The following ZSWIM9 variants were observed in gnomAD, a reference collection of about 807,000 sequenced individuals.
The protein encoded by ZSWIM9 is zinc finger SWIM-type containing 9.
Under a neutral mutation model 25.0 loss-of-function variants are expected in ZSWIM9, and 11 were observed. The ratio of observed to expected loss-of-function variants is 0.44; its 90% CI spans 0.28 to 0.73. ZSWIM9 has a LOEUF of 0.73. ZSWIM9 is among the 30% of genes least tolerant of loss of function. ZSWIM9 has a pLI of 0.16. For missense variants in ZSWIM9, 1,070 were observed against 1,296.5 expected, an observed-to-expected ratio of 0.83 and a Z score of 2.68; for synonymous variants, 562 against 582.1, an observed-to-expected ratio of 0.97 and a Z score of 0.50.
chr19:48,176,200 T>C (rs1160373253), intron 2 of ZSWIM9, among the ~76,000 whole-genome samples: 1 of 151,946 alleles, frequency 6.6e-6, no homozygotes, highest in Non-Finnish European at 1.5e-5. Flanking sequence ...AGCGAGACTC[T>C]ATCTCAAAAA....
intron 2 of ZSWIM9, among the ~76,000 whole-genome samples, chr19:48,173,166 G>C (rs575248994): frequency 6.6e-6 from 1 of 152,336 alleles, no homozygotes; most frequent in African/African-American, 2.4e-5. Context: ...TGGACAGAAA[G>C]ATTGACGTTA....
rs112833303 is a variant in ZSWIM9 at position 48,193,494 on chromosome 19, G to A, written c.589-1159G>A. Among the ~76,000 whole-genome samples the A allele has an allele frequency of 3.6e-3, 549 of 152,354 alleles. 5 individuals are homozygous for A. The highest frequency in any genetic ancestry group is 0.012 in the African/African-American group (501 of 41,582). On this transcript the variant is annotated intron_variant, in intron 3 of 3. Transcript: ENST00000614654. ...AAGGGAAGAGCCACATAGGGCAGAG[G>A]CCAGGAGAGACCATCCCGAAGGGGA...
chr19:48,183,719 C>T (rs954674703), intron 3 of ZSWIM9, among the ~76,000 whole-genome samples: 1 of 151,292 alleles, frequency 6.6e-6, no homozygotes, highest in African/African-American at 2.4e-5. Context: ...TCACTGCACC[C>T]TCGATGTCCC....
chr19:48,196,684 G>A lies in ZSWIM9; in HGVS notation c.2620G>A (p.Ala874Thr), dbSNP rs897121434. ...DGTSDFFLDG[A>T]LTRCSCSIHA... ...CACCTCGGACTTCTTCCTGGATGGG[G>A]CCCTGACACGCTGCAGCTGCTCAAT... The change falls in exon 4 of 4, where the codon GCC becomes ACC. Residue 874 changes from alanine (A) to threonine (T), a missense_variant. Around this residue, in one of 4 missense-constraint regions of ZSWIM9, gnomAD observed 583 missense variants for 624.7 expected, o/e 0.93. Transcript: ENST00000614654. 2.4e-6 allele frequency: 3 copies of A among 1,233,018 alleles called. No individual in the cohort carries two copies. The highest frequency in any genetic ancestry group is 3.0e-6 in the Non-Finnish European group (3 of 988,642). The allele number at this position is 1,233,018 out of a possible 1,614,324, so 76.4% of individuals were successfully genotyped here.
chr19:48,185,931 A>G (rs1339608007), intron 3 of ZSWIM9, among the ~76,000 whole-genome samples: 2 of 152,236 alleles, frequency 1.3e-5, no homozygotes, highest in Non-Finnish European at 2.9e-5. Context: ...GGTTGCAGTG[A>G]GCTGAGATTA....
At chr19:48,183,678 C>G (rs1259281226) in intron 3 of ZSWIM9, among the ~76,000 whole-genome samples, 1 of 150,460 alleles carries the variant, frequency 6.6e-6, no homozygotes, top group Non-Finnish European at 1.5e-5. Context: ...CTCACTGTCA[C>G]CCAGGCTGAG....
rs145144590 is a variant in ZSWIM9, at chr19:48,181,964, G to A, written c.276-491G>A. 552 of 154,120 alleles carry A rather than the reference G, an allele frequency of 3.6e-3. 5 individuals carry two copies. The highest frequency in any genetic ancestry group is 0.01 in the Middle Eastern group (3 of 296). The allele number at this position is 154,120 out of a possible 1,614,324, so 9.5% of individuals were successfully genotyped here. ...TAGTGGCTGCCTCTGGGGACAGAGG[G>A]AAGGAAGATAATCTGTTAGGGCAGC... On this transcript the variant is annotated intron_variant, in intron 2 of 3. Coordinates refer to ENST00000614654, the MANE Select transcript of ZSWIM9 (RefSeq NM_199341.4).
At chr19:48,171,665 G>A (rs2036813511) in intron 1 of ZSWIM9, 129 bp from the exon 2 acceptor site, 6 of 906,678 alleles carry the variant, frequency 6.6e-6, no homozygotes, top group South Asian at 1.8e-5. Context: ...AAACAGGCAC[G>A]TCCGACCCCG....
chr19:48,189,766 T>C (rs1159143800), intron 3 of ZSWIM9, among the ~76,000 whole-genome samples: 1 of 152,152 alleles, frequency 6.6e-6, no homozygotes, highest in African/African-American at 2.4e-5. Context: ...CCAAGAACTG[T>C]GGATGAGGGT....
At chr19:48,183,379 G>A (rs559140114) in intron 3 of ZSWIM9, among the ~76,000 whole-genome samples, 25 of 152,004 alleles carry the variant, frequency 1.6e-4, no homozygotes, top group Middle Eastern at 6.8e-3. Flanking sequence ...CGCCCGCCTC[G>A]GCCTCCCAAA....
chr19:48,191,017 A>G (rs2037086750), intron 3 of ZSWIM9, among the ~76,000 whole-genome samples: 1 of 151,846 alleles, frequency 6.6e-6, no homozygotes, highest in Admixed American at 6.6e-5. Context: ...TAGTTCATTT[A>G]TCTGTAAAAT....
intron 3 of ZSWIM9, chr19:48,189,632 ATTT>A (rs770473473): frequency 5.2e-4 from 80 of 154,496 alleles, no homozygotes; most frequent in Middle Eastern, 2.6e-3. Flanking sequence ...TCTCAAACAC[ATTT>A]TTAAGTTAAA....
Position 48,197,479 on chromosome 19 carries a change from C to A in ZSWIM9, c.*652C>A. ...AAGGGGCGTGGTTTTGGTTTTTCTC[C>A]AAGACCTGGAGACATCGACCCCCAT... On this transcript the variant is annotated 3_prime_UTR_variant, in exon 4 of 4. Transcript: ENST00000614654. The A allele has an allele frequency of 2.8e-5, 16 of 566,644 alleles. No homozygotes were observed. Among genetic ancestry groups the A allele is most frequent in the East Asian group, 6.0e-5 (2 of 33,604 alleles). The allele number at this position is 566,644 out of a possible 1,614,324, so 35.1% of individuals were successfully genotyped here.
chr19:48,196,807 G>C lies in ZSWIM9; in HGVS notation c.2743G>C (p.Gly915Arg). The change falls in exon 4 of 4, where the codon GGG becomes CGG. Residue 915 changes from glycine to arginine, a missense_variant. Physicochemically the swap from Gly to Arg is moderately radical, Grantham distance 125. This residue lies in a region of ZSWIM9 where 583 missense variants were observed against 624.7 expected (regional missense o/e 0.93). Transcript: ENST00000614654. ...FHMDLLRDCW[G>R]RAPEP ...CATGGACCTGCTCAGGGATTGCTGG[G>C]GGAGAGCCCCAGAGCCCTGACCCTT... 8.1e-7 allele frequency: 1 copy of C among 1,236,356 alleles called. No individual in the cohort carries two copies. The highest frequency in any genetic ancestry group is 1.0e-6 in the Non-Finnish European group (1 of 990,658). 76.6% of individuals were successfully genotyped at this position (1,236,356 alleles called of 1,614,324 possible). A position where few individuals can be genotyped will look rare whatever the true frequency, so the allele number is the denominator to read the frequency against.
rs949667807 is a variant in ZSWIM9 at position 48,182,729 on chromosome 19, G to A, written c.550G>A (p.Val184Met). The A allele has an allele frequency of 2.0e-6, 3 of 1,534,630 alleles. No individual in the cohort carries two copies. Among genetic ancestry groups the A allele is most frequent in the East Asian group, 2.4e-5 (1 of 40,854 alleles). ...RDHGVLDALH[V>M]LEGLFRTDPE... ...CCACGGCGTCCTGGACGCCCTGCAC[G>A]TGCTCGAGGGCCTCTTCCGCACCGA... Residue 184 changes from valine (V) to methionine (M), a missense_variant, in exon 3 of 4, where the codon GTG becomes ATG. Coordinates refer to ENST00000614654, the MANE Select transcript of ZSWIM9 (RefSeq NM_199341.4). This position sits in a 1 kb window ranked among gnomAD's most constrained non-coding sequence, Gnocchi z 4.6.
Position 48,192,496 on chromosome 19 carries a change from TATACACACAC to T in ZSWIM9, c.589-2155_589-2146del, listed in dbSNP as rs1266786812. On this transcript the variant is annotated intron_variant, in intron 3 of 3. Transcript: ENST00000614654. Reference sequence around the variant, plus strand: ...AAAAAAAAAAATATATATATATATATATACACACACACACACACACACATTTACATAGCCC... The same window carrying T: ...AAAAAAAAAAATATATATATATATATACACACACACACATTTACATAGCCC... 1.3e-3 allele frequency among the ~76,000 whole-genome samples: 34 copies of T among 25,542 alleles called. 4 individuals are homozygous for T. The highest frequency in any genetic ancestry group is 2.4e-3 in the African/African-American group (22 of 9,194). 16.8% of individuals were successfully genotyped at this position (25,542 alleles called of 152,430 possible).
In ZSWIM9 at chr19:48,182,816, C is replaced by T. The variant is rs1213330202; in HGVS notation, c.588+49C>T. On this transcript the variant is annotated intron_variant, in intron 3 of 3. Transcript: ENST00000614654. The surrounding 1 kb of genome is among the most constrained non-coding windows in gnomAD (Gnocchi z 4.6). ...CGGGGGAGGGGGCGGGGGAAAGCCG[C>T]GCTGAAGACTCGTGGGTCATTCATG... is the stretch of plus-strand genomic sequence containing the variant. The T allele has an allele frequency of 1.5e-6, 2 of 1,360,874 alleles. No individual in the cohort carries two copies. The highest frequency in any genetic ancestry group is 2.5e-5 in the East Asian group (1 of 39,730). 84.3% of individuals were successfully genotyped at this position (1,360,874 alleles called of 1,614,324 possible).
chr19:48,174,887 A>C (rs1208160232), intron 2 of ZSWIM9: 4 of 152,230 alleles, frequency 2.6e-5, no homozygotes, highest in African/African-American at 9.6e-5. Context: ...GACGTTTAGA[A>C]TCCGAGACTG....
At chr19:48,176,706 T>C (rs1169696811) in intron 2 of ZSWIM9, among the ~76,000 whole-genome samples, 2 of 152,080 alleles carry the variant, frequency 1.3e-5, no homozygotes, top group African/African-American at 4.8e-5. Flanking sequence ...GCCCCTGCAA[T>C]GTGCAAGGTG....
Sources: gnomAD v4.1 joint callset for allele counts (sites outside exome capture counted in the v4.1 genomes callset) on GRCh38, gnomAD v4.1.1 for gene constraint, gnomAD v4.1.1 regional missense constraint, Gnocchi (gnomAD v3.1) non-coding constraint, MANE v1.5 for transcripts, NCBI Gene and HGNC (gene_info 2026-07-23, HGNC 2026-07-21) for gene names.